The following CERS3 variants were observed in gnomAD, a reference collection of about 807,000 sequenced individuals.
The protein encoded by CERS3 is ceramide synthase 3.
In CERS3, 33 loss-of-function variants were observed where a neutral mutation model predicts 50.3. The ratio of observed to expected loss-of-function variants is 0.66; its 90% CI spans 0.50 to 0.88. The LOEUF is 0.88. Among genes scored for constraint, CERS3 ranks in the 40% least tolerant of loss-of-function variants. CERS3 has a pLI of 0.00. For synonymous variants in CERS3, 176 were observed against 155.2 expected, an observed-to-expected ratio of 1.13 and a Z score of -0.99; for missense variants, 470 against 460.3, an observed-to-expected ratio of 1.02 and a Z score of -0.19.
intron 10 of CERS3, among the ~76,000 whole-genome samples, chr15:100,466,872 T>G (rs1222765875): frequency 6.8e-6 from 1 of 148,102 alleles, no homozygotes; most frequent in Admixed American, 6.8e-5. Flanking sequence ...TCTTTCTTTC[T>G]TGATGGAGTC....
intron 2 of CERS3, 116 bp from the exon 3 acceptor site, chr15:100,501,966 G>A: frequency 9.3e-7 from 1 of 1,072,460 alleles, no homozygotes; most frequent in South Asian, 1.6e-5. Flanking sequence ...AAGGCAAGAG[G>A]CCTAGCGCAG....
intron 5 of CERS3, among the ~76,000 whole-genome samples, chr15:100,481,355 T>C (rs189400270): frequency 6.6e-6 from 1 of 152,332 alleles, no homozygotes; most frequent in African/African-American, 2.4e-5. Context: ...GTCAAAAAGT[T>C]GAACCATAAA....
intron 10 of CERS3, among the ~76,000 whole-genome samples, 189 bp downstream of exon 10, chr15:100,469,188 CT>C (rs2034882263): frequency 1.3e-5 from 2 of 152,202 alleles, no homozygotes; most frequent in African/African-American, 2.4e-5. Context: ...TGTAATAAGC[CT>C]TTTCCACACC....
intron 11 of CERS3, among the ~76,000 whole-genome samples, chr15:100,428,975 G>C (rs2032975292): frequency 6.6e-6 from 1 of 152,242 alleles, no homozygotes; most frequent in Admixed American, 6.5e-5. Flanking sequence ...CCTGCGATGT[G>C]AGAGCCTTGC....
chr15:100,478,513 C>T (rs2035203959), intron 7 of CERS3, among the ~76,000 whole-genome samples: 1 of 149,276 alleles, frequency 6.7e-6, no homozygotes. Flanking sequence ...GGCTAAAGGT[C>T]AGATGATAAC....
chr15:100,496,994 A>T (rs1193827374), intron 3 of CERS3, among the ~76,000 whole-genome samples: 1 of 152,174 alleles, frequency 6.6e-6, no homozygotes, highest in African/African-American at 2.4e-5. Flanking sequence ...TATGCCCCAG[A>T]TGTACACAGA....
intron 10 of CERS3, among the ~76,000 whole-genome samples, chr15:100,468,301 G>T (rs1196483437): frequency 6.6e-6 from 1 of 152,092 alleles, no homozygotes; most frequent in Non-Finnish European, 1.5e-5. Flanking sequence ...ACAGAGAGGT[G>T]GTATAACCTG....
intron 1 of CERS3, among the ~76,000 whole-genome samples, chr15:100,527,971 GA>G: frequency 6.6e-6 from 1 of 152,288 alleles, no homozygotes; most frequent in African/African-American, 2.4e-5. Context: ...GGAAGGCAAT[GA>G]AAATGTGAAG....
At chr15:100,505,775 G>A (rs2036158120) in intron 2 of CERS3, among the ~76,000 whole-genome samples, 1 of 152,186 alleles carries the variant, frequency 6.6e-6, no homozygotes, top group African/African-American at 2.4e-5. Context: ...TGGGATGCTG[G>A]GGTGGGCGGA....
At chr15:100,453,197 C>CA (rs2142189200) in intron 11 of CERS3, among the ~76,000 whole-genome samples, 1 of 151,898 alleles carries the variant, frequency 6.6e-6, no homozygotes, top group African/African-American at 2.4e-5. Context: ...GACCCAACAA[C>CA]AAAAAAATAC....
intron 1 of CERS3, among the ~76,000 whole-genome samples, chr15:100,535,307 G>A (rs2037043869): frequency 6.6e-6 from 1 of 152,200 alleles, no homozygotes; most frequent in Admixed American, 6.5e-5. Flanking sequence ...CCAAGTTGCA[G>A]GCATTACTGT....
At chr15:100,426,618 G>A (rs946960248) in intron 11 of CERS3, among the ~76,000 whole-genome samples, 2 of 152,220 alleles carry the variant, frequency 1.3e-5, no homozygotes, top group African/African-American at 4.8e-5. Context: ...CTGGATATAT[G>A]TGTTGAAAGA....
intron 8 of CERS3, among the ~76,000 whole-genome samples, chr15:100,475,530 A>G (rs2035099446): frequency 6.6e-6 from 1 of 152,246 alleles, no homozygotes; most frequent in Non-Finnish European, 1.5e-5. Flanking sequence ...ATTAGGAATC[A>G]GTAACAACCA....
At chr15:100,475,911 C>A in intron 8 of CERS3, 175 bp downstream of exon 8, 3 of 344,790 alleles carry the variant, frequency 8.7e-6, no homozygotes, top group Non-Finnish European at 1.1e-5. Context: ...AAATGTTTAC[C>A]AAGGCACCAA....
chr15:100,467,886 T>TAG (rs1314384119), intron 10 of CERS3, among the ~76,000 whole-genome samples: 5 of 43,642 alleles, frequency 1.1e-4, no homozygotes, highest in Non-Finnish European at 4.0e-4. Flanking sequence ...TAGATATAGA[T>TAG]ATAGATATAG....
intron 2 of CERS3, among the ~76,000 whole-genome samples, chr15:100,502,223 G>A (rs1313430770): frequency 1.7e-5 from 2 of 117,816 alleles, no homozygotes; most frequent in South Asian, 2.8e-4. Context: ...CCAGCCTGGC[G>A]ACAGAGCAAG....
chr15:100,500,239 C>G (rs1309957689), intron 3 of CERS3: 1 of 152,110 alleles, frequency 6.6e-6, no homozygotes, highest in East Asian at 1.9e-4. Context: ...ATGGAAAAGG[C>G]TGAGAGTGAG....
chr15:100,532,554 C>A (rs1273248149), upstream of CERS3, among the ~76,000 whole-genome samples: 1 of 151,950 alleles, frequency 6.6e-6, no homozygotes, highest in South Asian at 2.1e-4. Context: ...TTGCTTGCGT[C>A]CAAGAGTTCA....
At chr15:100,454,268 T>C (rs889014703) in intron 11 of CERS3, among the ~76,000 whole-genome samples, 9 of 151,690 alleles carry the variant, frequency 5.9e-5, no homozygotes, top group African/African-American at 2.2e-4. Flanking sequence ...CATGGGCCTG[T>C]AGTCCCAGCT....
Sources: gnomAD v4.1 joint callset for allele counts (sites outside exome capture counted in the v4.1 genomes callset) on GRCh38, gnomAD v4.1.1 for gene constraint, MANE v1.5 for transcripts, NCBI Gene and HGNC (gene_info 2026-07-23, HGNC 2026-07-21) for gene names.